MIR2052HG: variants seen among roughly 807,000 people sequenced by gnomAD.
MIR2052HG encodes MIR2052 host gene.
chr8:74,620,395 C>T (rs371888480), intron 2 of MIR2052HG, among the ~76,000 whole-genome samples: 10 of 152,222 alleles, frequency 6.6e-5, no homozygotes, highest in African/African-American at 1.4e-4. Flanking sequence ...ACCAACCTCA[C>T]GTTTCCCTTC....
intron 5 of MIR2052HG, among the ~76,000 whole-genome samples, chr8:74,756,094 A>G (rs143097993): frequency 6.6e-6 from 1 of 152,206 alleles, no homozygotes; most frequent in Non-Finnish European, 1.5e-5. Flanking sequence ...TGAGCGCTTC[A>G]GTTCAATAAT....
At chr8:74,611,291 T>A (rs561612538) in intron 1 of MIR2052HG, among the ~76,000 whole-genome samples, 171 of 152,182 alleles carry the variant, frequency 1.1e-3, no homozygotes, top group Non-Finnish European at 2.1e-3. Flanking sequence ...ATTACAAATA[T>A]CTTATATTAA....
chr8:74,633,675 G>A (rs1808547574), intron 2 of MIR2052HG, among the ~76,000 whole-genome samples: 1 of 152,186 alleles, frequency 6.6e-6, no homozygotes, highest in African/African-American at 2.4e-5. Context: ...TTGTTTGCAT[G>A]TGTACTGTTC....
intron 2 of MIR2052HG, among the ~76,000 whole-genome samples, chr8:74,674,319 G>C (rs573390294): frequency 6.6e-6 from 1 of 151,864 alleles, no homozygotes; most frequent in East Asian, 1.9e-4. Context: ...CCCCAAGCTA[G>C]AGTGATGGCT....
intron 1 of MIR2052HG, among the ~76,000 whole-genome samples, chr8:74,607,045 A>G (rs1361602026): frequency 1.3e-5 from 2 of 152,068 alleles, no homozygotes; most frequent in African/African-American, 4.8e-5. Flanking sequence ...AAGATTGGAG[A>G]AAAAAGCAAG....
chr8:74,615,764 C>A lies in MIR2052HG; in HGVS notation n.216+2824C>A, dbSNP rs573891756. Among the ~76,000 whole-genome samples the A allele has an allele frequency of 1.3e-4, 20 of 152,034 alleles. 1 individual carries two copies. In the South Asian group the frequency reaches 4.0e-3, roughly 30 times the overall value. Reference sequence around the variant, plus strand: ...CCCCTAATACTATCCTTCCCCACTCCCCCCACCCCACAACAGGCCCTGGTG... The same window carrying A: ...CCCCTAATACTATCCTTCCCCACTCACCCCACCCCACAACAGGCCCTGGTG... On this transcript the variant is annotated intron_variant and non_coding_transcript_variant, in intron 2 of 6. Transcript: ENST00000523442.
At chr8:74,622,625 TAAAAAGAAAAGACGA>T (rs1808378554) in intron 2 of MIR2052HG, among the ~76,000 whole-genome samples, 1 of 151,160 alleles carries the variant, frequency 6.6e-6, no homozygotes. Context: ...AAAAAAATTT[TAAAAAGAAAAGACGA>T]AAAAAGAAAA....
intron 4 of MIR2052HG, among the ~76,000 whole-genome samples, chr8:74,723,480 T>C (rs1317494625): frequency 6.6e-6 from 1 of 152,172 alleles, no homozygotes; most frequent in Admixed American, 6.5e-5. Flanking sequence ...GTTTCACTAT[T>C]TCTACTCCTT....
intron 2 of MIR2052HG, among the ~76,000 whole-genome samples, chr8:74,696,190 C>T (rs1170200385): frequency 6.6e-6 from 1 of 152,026 alleles, no homozygotes; most frequent in Admixed American, 6.6e-5. Flanking sequence ...CATGCAAATA[C>T]ATGAAAATTA....
intron 2 of MIR2052HG, among the ~76,000 whole-genome samples, chr8:74,684,761 T>C (rs763828256): frequency 1.1e-4 from 16 of 152,266 alleles, no homozygotes; most frequent in Non-Finnish European, 2.1e-4. Flanking sequence ...TTGATTTACA[T>C]ATACTTTAGA....
chr8:74,634,044 G>T (rs1020022070), intron 2 of MIR2052HG, among the ~76,000 whole-genome samples: 3 of 152,166 alleles, frequency 2.0e-5, no homozygotes, highest in African/African-American at 7.2e-5. Flanking sequence ...GGAGGAGGAG[G>T]AGGACATTAA....
At chr8:74,673,596 G>A (rs1353569871) in intron 2 of MIR2052HG, among the ~76,000 whole-genome samples, 4 of 151,884 alleles carry the variant, frequency 2.6e-5, no homozygotes, top group African/African-American at 7.3e-5. Flanking sequence ...CTAAAAGCAG[G>A]ACAAATTTTA....
intron 4 of MIR2052HG, among the ~76,000 whole-genome samples, chr8:74,726,427 C>A (rs147303574): frequency 6.6e-6 from 1 of 152,152 alleles, no homozygotes; most frequent in African/African-American, 2.4e-5. Context: ...AAGTACCAAG[C>A]GATTGGTAAG....
At chr8:74,609,391 A>G (rs897416014) in intron 1 of MIR2052HG, among the ~76,000 whole-genome samples, 3 of 151,952 alleles carry the variant, frequency 2.0e-5, no homozygotes, top group African/African-American at 7.2e-5. Context: ...AGCCAATGCT[A>G]TACAAGTTCT....
chr8:74,661,601 T>A (rs1403185419), intron 2 of MIR2052HG, among the ~76,000 whole-genome samples: 1 of 152,196 alleles, frequency 6.6e-6, no homozygotes, highest in African/African-American at 2.4e-5. Context: ...AGGTGTGACA[T>A]TCTGAGGATT....
At chr8:74,604,607 T>TTTTTTTG (rs1563509484) in intron 1 of MIR2052HG, among the ~76,000 whole-genome samples, 3 of 140,982 alleles carry the variant, frequency 2.1e-5, no homozygotes, top group African/African-American at 8.2e-5. Flanking sequence ...TTTTTTTTTT[T>TTTTTTTG]TCTGAGACGG....
chr8:74,667,025 G>T (rs1031292726), intron 2 of MIR2052HG, among the ~76,000 whole-genome samples: 1 of 152,170 alleles, frequency 6.6e-6, no homozygotes, highest in African/African-American at 2.4e-5. Flanking sequence ...CTCCAGCAGG[G>T]TAGCTGGACT....
At chr8:74,654,658 T>C (rs2128736415) in intron 2 of MIR2052HG, among the ~76,000 whole-genome samples, 1 of 152,262 alleles carries the variant, frequency 6.6e-6, no homozygotes, top group East Asian at 1.9e-4. Context: ...TCCCCAGCCA[T>C]GTGGAAGTGT....
At chr8:74,706,233 C>G (rs945660696) in intron 4 of MIR2052HG, among the ~76,000 whole-genome samples, 2 of 152,040 alleles carry the variant, frequency 1.3e-5, no homozygotes, top group African/African-American at 4.8e-5. Flanking sequence ...ACCTGACTTT[C>G]ATTTATTAAA....
Sources: allele counts gnomAD v4.1 joint callset (sites outside exome capture counted in the v4.1 genomes callset), GRCh38; gene constraint gnomAD v4.1.1; transcripts MANE v1.5; gene names NCBI Gene and HGNC (gene_info 2026-07-23, HGNC 2026-07-21).